DIP2B: variants seen among roughly 807,000 people sequenced by gnomAD.
DIP2B encodes disco-interacting protein 2 homolog B.
DIP2B carries 76 observed loss-of-function variants against 198.0 expected under a neutral mutation model. That is an observed-to-expected ratio of 0.38 (90% CI 0.32 to 0.46). DIP2B has a LOEUF of 0.46. Ranked by LOEUF, DIP2B falls within the 20% of genes least tolerant of loss-of-function variation. The probability of loss-of-function intolerance (pLI) is 0.99; values close to 1 mark genes in which losing one functional copy is unlikely to be tolerated. For synonymous variants in DIP2B, 701 were observed against 739.1 expected, an observed-to-expected ratio of 0.95 and a Z score of 0.84; for missense variants, 1,559 against 1,978.4, an observed-to-expected ratio of 0.79 and a Z score of 4.02.
intron 1 of DIP2B, among the ~76,000 whole-genome samples, chr12:50,558,429 C>T (rs2139394501): frequency 6.6e-6 from 1 of 152,224 alleles, no homozygotes; most frequent in African/African-American, 2.4e-5. Flanking sequence ...TATAAGGGAA[C>T]CTTAGGAACC....
intron 1 of DIP2B, among the ~76,000 whole-genome samples, chr12:50,555,863 G>T (rs946873151): frequency 2.0e-5 from 3 of 151,958 alleles, no homozygotes; most frequent in African/African-American, 7.3e-5. Flanking sequence ...GTGCTTCTCT[G>T]CTTCACTGAT....
chr12:50,737,830 C>T (rs1191187399), intron 35 of DIP2B, among the ~76,000 whole-genome samples: 4 of 152,058 alleles, frequency 2.6e-5, no homozygotes, highest in African/African-American at 4.8e-5. Context: ...TCAGGTGATC[C>T]GCCTGCCTTA....
chr12:50,591,849 GTTTATTAACT>G (rs1457604036), intron 1 of DIP2B, among the ~76,000 whole-genome samples: 4 of 147,860 alleles, frequency 2.7e-5, no homozygotes, highest in Non-Finnish European at 6.0e-5. Flanking sequence ...AAACGATATT[GTTTATTAACT>G]TTTATTTCTT....
intron 3 of DIP2B, among the ~76,000 whole-genome samples, chr12:50,651,183 A>AT (rs1290907795): frequency 6.6e-6 from 1 of 151,910 alleles, no homozygotes; most frequent in East Asian, 1.9e-4. Flanking sequence ...ACTTGGGTTA[A>AT]TTTTTTTTGT....
At position 50,505,019 on chromosome 12, in the gene DIP2B, C is replaced by CGGCGGTGCT. The variant is rs1233462575; in HGVS notation, c.-119_-111dup. On this transcript the variant is annotated 5_prime_UTR_variant, in exon 1 of 38. Transcript: ENST00000301180. ...TTGCTCATGGCGGCGGCGGCGGCGG[C>CGGCGGTGCT]GGCGGTGCTGGTGGTGCTCGGCGGC... The CGGCGGTGCT allele has an allele frequency of 1.0e-6, 1 of 1,004,888 alleles. No homozygotes were observed. The highest frequency in any genetic ancestry group is 1.4e-6 in the Non-Finnish European group (1 of 692,822). The allele number at this position is 1,004,888 out of a possible 1,614,324, so 62.2% of individuals were successfully genotyped here.
intron 1 of DIP2B, among the ~76,000 whole-genome samples, chr12:50,615,098 T>A (rs1937672368): frequency 6.6e-6 from 1 of 152,226 alleles, no homozygotes; most frequent in Non-Finnish European, 1.5e-5. Flanking sequence ...GCCTGGTTTT[T>A]AAAAATTGCT....
chr12:50,741,015 C>G (rs1940233255), intron 36 of DIP2B, among the ~76,000 whole-genome samples: 1 of 152,206 alleles, frequency 6.6e-6, no homozygotes, highest in Non-Finnish European at 1.5e-5. Context: ...TGTTACATTA[C>G]AACGGAATGC....
intron 1 of DIP2B, among the ~76,000 whole-genome samples, chr12:50,519,510 A>T (rs1235859703): frequency 6.6e-6 from 1 of 152,130 alleles, no homozygotes; most frequent in Non-Finnish European, 1.5e-5. Context: ...CCTTGAATTG[A>T]GATGGAGATG....
chr12:50,576,470 A>G (rs1958662080), intron 1 of DIP2B, among the ~76,000 whole-genome samples: 1 of 150,572 alleles, frequency 6.6e-6, no homozygotes, highest in African/African-American at 2.4e-5. Flanking sequence ...TTACGGTCTG[A>G]CCGCCCCCCA....
At chr12:50,736,955 A>G (rs1449436498) in intron 34 of DIP2B, 81 bp from the exon 35 acceptor site, 6 of 1,387,756 alleles carry the variant, frequency 4.3e-6, no homozygotes, top group South Asian at 2.4e-5. Context: ...TCACCTCTCC[A>G]GCAGGTAACT....
At chr12:50,630,692 A>T (rs1938033412) in intron 2 of DIP2B, among the ~76,000 whole-genome samples, 1 of 107,052 alleles carries the variant, frequency 9.3e-6, no homozygotes, top group Non-Finnish European at 1.8e-5. Flanking sequence ...TTTTTTTGAG[A>T]CAGAGTTTCA....
chr12:50,743,243 C>T (rs992295529), intron 37 of DIP2B, among the ~76,000 whole-genome samples: 2 of 152,082 alleles, frequency 1.3e-5, no homozygotes, highest in Admixed American at 6.5e-5. Flanking sequence ...CAACCATGCC[C>T]GGCTAATTTT....
At chr12:50,630,766 A>C (rs1402624091) in intron 2 of DIP2B, among the ~76,000 whole-genome samples, 3 of 132,900 alleles carry the variant, frequency 2.3e-5, no homozygotes, top group African/African-American at 8.6e-5. Context: ...CCGCCTCCCC[A>C]GTTCAAGCGA....
intron 1 of DIP2B, among the ~76,000 whole-genome samples, chr12:50,521,695 C>T (rs1057162838): frequency 6.6e-6 from 1 of 151,606 alleles, no homozygotes; most frequent in African/African-American, 2.4e-5. Flanking sequence ...GGGGTTTCTC[C>T]GTGTTAGCCA....
At chr12:50,554,863 G>A (rs942568868) in intron 1 of DIP2B, among the ~76,000 whole-genome samples, 5 of 151,182 alleles carry the variant, frequency 3.3e-5, no homozygotes, top group Non-Finnish European at 5.9e-5. Flanking sequence ...TGCCTCCCAG[G>A]TTCAAGTGAT....
chr12:50,587,745 A>G (rs1958783284), intron 1 of DIP2B, among the ~76,000 whole-genome samples: 1 of 152,218 alleles, frequency 6.6e-6, no homozygotes, highest in African/African-American at 2.4e-5. Flanking sequence ...CTGAAAATTA[A>G]CCTGCATGTT....
At chr12:50,509,437 G>C (rs1236942005) in intron 1 of DIP2B, among the ~76,000 whole-genome samples, 1 of 152,218 alleles carries the variant, frequency 6.6e-6, no homozygotes, top group Non-Finnish European at 1.5e-5. Flanking sequence ...ATGACAACTG[G>C]AAAGGTATTT....
rs947514082 is a variant in DIP2B, at chr12:50,702,691, C to G, written c.2326-1449C>G. On this transcript the variant is annotated intron_variant, in intron 19 of 37. Coordinates refer to ENST00000301180, the MANE Select transcript of DIP2B (RefSeq NM_173602.3). ...GAACCATTATTACGCCTGTGACTAG[C>G]CACTGCATTCCAGCCTGGGCAACAT... is the stretch of plus-strand genomic sequence containing the variant. Among the ~76,000 whole-genome samples the G allele has an allele frequency of 5.6e-4, 74 of 131,556 alleles. 1 individual carries two copies. The highest frequency in any genetic ancestry group is 7.2e-4 in the Non-Finnish European group (46 of 63,970). 86.3% of individuals were successfully genotyped at this position (131,556 alleles called of 152,430 possible). A position where few individuals can be genotyped will look rare whatever the true frequency, so the allele number is the denominator to read the frequency against.
At chr12:50,593,732 T>TCCC (rs1958844763) in intron 1 of DIP2B, among the ~76,000 whole-genome samples, 1 of 4,972 alleles carries the variant, frequency 2.0e-4, no homozygotes, top group African/African-American at 2.5e-3. Flanking sequence ...TCTCCTCTCC[T>TCCC]CTCCTCTCCT....
Sources: allele counts gnomAD v4.1 joint callset (sites outside exome capture counted in the v4.1 genomes callset), GRCh38; gene constraint gnomAD v4.1.1; transcripts MANE v1.5; gene names NCBI Gene and HGNC (gene_info 2026-07-23, HGNC 2026-07-21).